TMEM132C: variants seen among roughly 807,000 people sequenced by gnomAD.
TMEM132C encodes the protein protein phosphatase 1, regulatory subunit 152.
In TMEM132C, 29 loss-of-function variants were observed where a neutral mutation model predicts 61.4. The observed-to-expected ratio is 0.47, with a 90% CI of 0.35 to 0.64. The LOEUF is 0.64. Among genes scored for constraint, TMEM132C ranks in the 30% least tolerant of loss-of-function variants. The probability of loss-of-function intolerance (pLI) is 0.00; values close to 1 mark genes in which losing one functional copy is unlikely to be tolerated. For missense variants in TMEM132C, 1,408 were observed against 1,476.9 expected (o/e 0.95, Z 0.76); for synonymous variants, 656 against 633.1 (o/e 1.04, Z -0.54).
At chr12:128,524,229 C>A (rs1031035798) in intron 2 of TMEM132C, among the ~76,000 whole-genome samples, 2 of 152,134 alleles carry the variant, frequency 1.3e-5, no homozygotes, top group Non-Finnish European at 2.9e-5. Context: ...ATGGGGTACC[C>A]TTTGGAAAAA....
chr12:128,553,129 A>G lies in TMEM132C; in HGVS notation c.1121+9026A>G, dbSNP rs867632614. 4.3e-4 allele frequency among the ~76,000 whole-genome samples: 65 copies of G among 152,188 alleles called. 1 individual carries two copies. Among genetic ancestry groups the G allele is most frequent in the African/African-American group, 1.4e-3 (59 of 41,442 alleles). On this transcript the variant is annotated intron_variant, in intron 3 of 8. Coordinates refer to ENST00000435159, the MANE Select transcript of TMEM132C (RefSeq NM_001136103.3). ...TGGGCCACACATAATATATGCTAAC[A>G]CTAGCGATAGCTGATGAGCTGGAAA...
chr12:128,378,145 C>T (rs778704207), intron 1 of TMEM132C, among the ~76,000 whole-genome samples: 5 of 150,400 alleles, frequency 3.3e-5, no homozygotes, highest in Middle Eastern at 3.4e-3. Context: ...CATGGAGTCT[C>T]GCTCTGTCGC....
chr12:128,570,111 T>C lies in TMEM132C; in HGVS notation c.1121+26008T>C, dbSNP rs564534670. Among the ~76,000 whole-genome samples the C allele has an allele frequency of 6.6e-6, 1 of 151,824 alleles. No individual in the cohort carries two copies. The highest frequency in any genetic ancestry group is 1.9e-4 in the East Asian group (1 of 5,170). On this transcript the variant is annotated intron_variant, in intron 3 of 8. Coordinates refer to ENST00000435159, the MANE Select transcript of TMEM132C (RefSeq NM_001136103.3). The surrounding 1 kb of genome is among the most constrained non-coding windows in gnomAD (Gnocchi z 4.7). ...GCATATAACCCACCGTGAATACAACTGGGGTTATCTTCTCGTCTTAGGCTC... is the reference window on the plus strand; with the variant it reads ...GCATATAACCCACCGTGAATACAACCGGGGTTATCTTCTCGTCTTAGGCTC...
chr12:128,627,667 C>T (rs1954028555), intron 4 of TMEM132C, among the ~76,000 whole-genome samples: 2 of 152,206 alleles, frequency 1.3e-5, no homozygotes, highest in African/African-American at 4.8e-5. Flanking sequence ...GACCATCATT[C>T]GGAAAGCCCC....
At chr12:128,674,772 A>G (rs367975236) in intron 5 of TMEM132C, among the ~76,000 whole-genome samples, 1 of 152,142 alleles carries the variant, frequency 6.6e-6, no homozygotes, top group Non-Finnish European at 1.5e-5. Flanking sequence ...TGGTGCAACC[A>G]TCACCCGAGC....
intron 1 of TMEM132C, among the ~76,000 whole-genome samples, chr12:128,299,373 A>G (rs1463972314): frequency 6.6e-6 from 1 of 152,168 alleles, no homozygotes; most frequent in Non-Finnish European, 1.5e-5. Flanking sequence ...TGGTTTTGAA[A>G]AGATGAGCTG....
chr12:128,528,319 G>C (rs929496602), intron 2 of TMEM132C, among the ~76,000 whole-genome samples: 8 of 152,136 alleles, frequency 5.3e-5, no homozygotes, highest in South Asian at 2.1e-4. Context: ...CCTCCTGATG[G>C]TTTATTCTCC....
At chr12:128,667,046 G>T (rs967184711) in intron 4 of TMEM132C, among the ~76,000 whole-genome samples, 1 of 152,168 alleles carries the variant, frequency 6.6e-6, no homozygotes, top group African/African-American at 2.4e-5. Flanking sequence ...CTCCAGCCTG[G>T]GCGACAGAGC....
At chr12:128,289,283 CAT>C (rs1488269783) in intron 1 of TMEM132C, among the ~76,000 whole-genome samples, 3 of 152,220 alleles carry the variant, frequency 2.0e-5, no homozygotes, top group African/African-American at 7.2e-5. Flanking sequence ...CACACATGCT[CAT>C]GTGCGCACAC....
intron 1 of TMEM132C, among the ~76,000 whole-genome samples, chr12:128,334,430 A>G (rs189187663): frequency 1.8e-4 from 27 of 152,224 alleles, no homozygotes; most frequent in Middle Eastern, 3.4e-3. Flanking sequence ...ATGGTTTCCA[A>G]CTGTGTTCCA....
At chr12:128,293,095 C>T (rs1913614) in intron 1 of TMEM132C, among the ~76,000 whole-genome samples, 34,914 of 151,812 alleles carry the variant, frequency 0.23, 4,533 homozygotes, top group East Asian at 0.5. Context: ...AAGGAGTGTG[C>T]AAATCTGAAC....
At chr12:128,533,708 A>G (rs1390871434) in intron 2 of TMEM132C, among the ~76,000 whole-genome samples, 3 of 152,160 alleles carry the variant, frequency 2.0e-5, no homozygotes, top group South Asian at 4.1e-4. Context: ...ATCTATCTCC[A>G]TATACGGTCA....
chr12:128,286,481 G>T (rs1871078668), intron 1 of TMEM132C, among the ~76,000 whole-genome samples: 1 of 152,210 alleles, frequency 6.6e-6, no homozygotes, highest in Admixed American at 6.5e-5. Flanking sequence ...AGACAGTAGT[G>T]GGTGTGGGCA....
At chr12:128,632,896 G>A (rs541328134) in intron 4 of TMEM132C, among the ~76,000 whole-genome samples, 8 of 152,296 alleles carry the variant, frequency 5.3e-5, no homozygotes, top group African/African-American at 1.4e-4. Flanking sequence ...CCCTTTCAAG[G>A]AGTCTGTGAG....
chr12:128,484,789 T>G lies in TMEM132C; in HGVS notation c.975-59168T>G, dbSNP rs374695486. On this transcript the variant is annotated intron_variant, in intron 2 of 8. Coordinates refer to ENST00000435159, the MANE Select transcript of TMEM132C (RefSeq NM_001136103.3). ...CTGGGCAACATACTGAGACTCCACC[T>G]CTATATAAAATTTTAAAAACTAGCT... is the stretch of plus-strand genomic sequence containing the variant. 3.9e-5 allele frequency among the ~76,000 whole-genome samples: 6 copies of G among 152,062 alleles called. No homozygotes were observed. The East Asian group carries it at 5.8e-4, about 15-fold the overall frequency.
intron 2 of TMEM132C, among the ~76,000 whole-genome samples, chr12:128,453,560 A>G (rs572320851): frequency 2.6e-5 from 4 of 152,270 alleles, no homozygotes; most frequent in Non-Finnish European, 5.9e-5. Context: ...AAGGAAAGGG[A>G]TATTTGACTC....
chr12:128,467,209 G>T (rs1870763969), intron 2 of TMEM132C, among the ~76,000 whole-genome samples: 2 of 152,162 alleles, frequency 1.3e-5, no homozygotes, highest in African/African-American at 4.8e-5. Flanking sequence ...CAGACTCCGG[G>T]TATGTTGGGG....
intron 1 of TMEM132C, among the ~76,000 whole-genome samples, chr12:128,271,918 G>A (rs1396629728): frequency 6.7e-6 from 1 of 149,364 alleles, no homozygotes; most frequent in Non-Finnish European, 1.5e-5. Flanking sequence ...TAATAAAAAT[G>A]TGTCTTTGGT....
chr12:128,603,797 A>G (rs928306492), intron 3 of TMEM132C, among the ~76,000 whole-genome samples: 2 of 152,112 alleles, frequency 1.3e-5, no homozygotes, highest in Admixed American at 6.6e-5. Flanking sequence ...ATAGCATCAT[A>G]TAAAACTGTG....
Sources: allele counts gnomAD v4.1 joint callset (sites outside exome capture counted in the v4.1 genomes callset), GRCh38; gene constraint gnomAD v4.1.1; non-coding constraint Gnocchi (gnomAD v3.1); transcripts MANE v1.5; gene names NCBI Gene and HGNC (gene_info 2026-07-23, HGNC 2026-07-21).